Variants in TANC1 observed in about 807,000 individuals in gnomAD.
TANC1 encodes protein TANC1.
TANC1 carries 77 observed loss-of-function variants against 149.7 expected under a neutral mutation model. The observed-to-expected ratio is 0.51, with a 90% CI of 0.43 to 0.62. The LOEUF (loss-of-function observed/expected upper bound fraction) is 0.62, where lower values mean the gene tolerates loss of function less well. Among genes scored for constraint, TANC1 ranks in the 20% least tolerant of loss-of-function variants. The pLI, the probability that TANC1 is intolerant of heterozygous loss-of-function variation, is 0.00. For missense variants in TANC1, 1,985 were observed against 2,321.8 expected (o/e 0.85, Z 2.98); for synonymous variants, 854 against 925.0 (o/e 0.92, Z 1.39).
chr2:159,141,567 G>C lies in TANC1; in HGVS notation c.364+5269G>C, dbSNP rs917122277. On this transcript the variant is annotated intron_variant, in intron 5 of 26. Coordinates refer to ENST00000263635, the MANE Select transcript of TANC1 (RefSeq NM_033394.3). Reference sequence around the variant, plus strand: ...GAGCAGGGACTGTGTTTTGGTTTGAGTTCAGTTTCAGGCATGGAGACTTCA... The same window carrying C: ...GAGCAGGGACTGTGTTTTGGTTTGACTTCAGTTTCAGGCATGGAGACTTCA... Among the ~76,000 whole-genome samples, 14 of 152,278 alleles carry C rather than the reference G, an allele frequency of 9.2e-5. 1 individual carries two copies. The highest frequency in any genetic ancestry group is 7.8e-4 in the Admixed American group (12 of 15,306).
At chr2:158,973,838 A>G (rs1055087080) in intron 1 of TANC1, among the ~76,000 whole-genome samples, 1 of 152,194 alleles carries the variant, frequency 6.6e-6, no homozygotes, top group Non-Finnish European at 1.5e-5. Flanking sequence ...ACTTGTCCAC[A>G]TTCTGTGGGA....
At chr2:159,133,674 T>G (rs2150181349) in intron 4 of TANC1, among the ~76,000 whole-genome samples, 1 of 152,346 alleles carries the variant, frequency 6.6e-6, no homozygotes, top group African/African-American at 2.4e-5. Context: ...AGATAAAGTC[T>G]GGATACTGTT....
At chr2:159,155,582 C>G (rs1049834877) in intron 7 of TANC1, among the ~76,000 whole-genome samples, 4 of 152,226 alleles carry the variant, frequency 2.6e-5, no homozygotes, top group African/African-American at 9.6e-5. Context: ...CTGCCCAGCT[C>G]TCAGCACCTG....
chr2:159,179,301 T>C, intron 14 of TANC1, 138 bp downstream of exon 14: 1 of 1,242,614 alleles, frequency 8.0e-7, no homozygotes, highest in Non-Finnish European at 1.1e-6. Context: ...TGTTTTATTA[T>C]TTTTCTTCCT....
rs1230137835 is a variant in TANC1 at position 159,224,316 on chromosome 2, C to T, written c.3763C>T (p.Arg1255Trp). ...GCCCTTGGACAGAGCCATCGGCTGC[C>T]GGAACACATCTGTAGTGGTGGCGCT... is the stretch of plus-strand genomic sequence containing the variant. Reference protein sequence around the residue: ...MRPLDRAIGCRNTSVVVALLR... With the variant: ...MRPLDRAIGCWNTSVVVALLR... Residue 1255 changes from arginine (R) to tryptophan (W), a missense_variant, in exon 23 of 27, where the codon CGG becomes TGG. Physicochemically the swap from Arg to Trp is moderately radical, Grantham distance 101 (BLOSUM62 -3). Transcript: ENST00000263635. 6.8e-6 allele frequency: 11 copies of T among 1,613,964 alleles called. No homozygotes were observed. Among genetic ancestry groups the T allele is most frequent in the East Asian group, 2.2e-5 (1 of 44,890 alleles).
intron 3 of TANC1, among the ~76,000 whole-genome samples, chr2:159,080,319 GA>G (rs2044140180): frequency 6.6e-6 from 1 of 152,208 alleles, no homozygotes; most frequent in Non-Finnish European, 1.5e-5. Flanking sequence ...AGAGAGCAGA[GA>G]GTGTCAGGGA....
Position 159,070,534 on chromosome 2 carries a change from G to A in TANC1, c.61+4563G>A, listed in dbSNP as rs530094334. 1.3e-4 allele frequency among the ~76,000 whole-genome samples: 20 copies of A among 152,264 alleles called. 1 individual carries two copies. Among genetic ancestry groups the A allele is most frequent in the Middle Eastern group, 3.4e-3 (1 of 294 alleles). ...TGTTGTATCACAGAGTAGTTTCATG[G>A]CTCTAAAAATCCTGTGTGTTTTTTT... On this transcript the variant is annotated intron_variant, in intron 3 of 26. Coordinates refer to ENST00000263635, the MANE Select transcript of TANC1 (RefSeq NM_033394.3).
At chr2:159,073,060 A>G (rs1166544089) in intron 3 of TANC1, among the ~76,000 whole-genome samples, 1 of 152,236 alleles carries the variant, frequency 6.6e-6, no homozygotes, top group Non-Finnish European at 1.5e-5. Context: ...CTCTTTATGA[A>G]GTTAAACTGA....
intron 2 of TANC1, among the ~76,000 whole-genome samples, chr2:159,056,447 G>C (rs2041863169): frequency 6.6e-6 from 1 of 152,132 alleles, no homozygotes; most frequent in African/African-American, 2.4e-5. Flanking sequence ...GAGTAGCTGA[G>C]ACTACAGGCG....
At chr2:159,215,579 G>T (rs1350691017) in intron 19 of TANC1, among the ~76,000 whole-genome samples, 1 of 152,210 alleles carries the variant, frequency 6.6e-6, no homozygotes, top group African/African-American at 2.4e-5. Flanking sequence ...CAAGGGGTGT[G>T]TGCAGACACC....
chr2:159,023,987 T>C (rs2039048754), intron 2 of TANC1, among the ~76,000 whole-genome samples: 1 of 151,592 alleles, frequency 6.6e-6, no homozygotes, highest in East Asian at 1.9e-4. Flanking sequence ...AAAAAAATTG[T>C]CAAAAATATA....
chr2:159,222,132 CA>C (rs1197319717), intron 22 of TANC1, among the ~76,000 whole-genome samples: 1 of 152,184 alleles, frequency 6.6e-6, no homozygotes, highest in Non-Finnish European at 1.5e-5. Flanking sequence ...AAAACATACT[CA>C]ACTAAATCTC....
intron 5 of TANC1, 49 bp downstream of exon 5, chr2:159,136,347 A>G (rs2050747446): frequency 3.9e-6 from 4 of 1,026,692 alleles, no homozygotes; most frequent in Middle Eastern, 2.0e-4. Context: ...ATTTTATACA[A>G]TGACACTTCA....
intron 2 of TANC1, among the ~76,000 whole-genome samples, chr2:159,028,700 C>T (rs2039546311): frequency 6.6e-6 from 1 of 152,180 alleles, no homozygotes; most frequent in South Asian, 2.1e-4. Context: ...CCATTTTCCT[C>T]TCTCCCCAAG....
chr2:159,207,950 C>T (rs1299552000), intron 19 of TANC1, among the ~76,000 whole-genome samples: 1 of 151,872 alleles, frequency 6.6e-6, no homozygotes, highest in Non-Finnish European at 1.5e-5. Context: ...TAGCATCTTC[C>T]TGTTTTAATC....
intron 2 of TANC1, among the ~76,000 whole-genome samples, chr2:159,060,864 T>C (rs1275054366): frequency 1.3e-5 from 2 of 152,182 alleles, no homozygotes; most frequent in Non-Finnish European, 2.9e-5. Flanking sequence ...TTTTGTCTTG[T>C]TTTGGAATCA....
intron 5 of TANC1, among the ~76,000 whole-genome samples, chr2:159,136,544 T>C (rs921720930): frequency 6.6e-6 from 1 of 152,224 alleles, no homozygotes; most frequent in East Asian, 1.9e-4. Flanking sequence ...CTATTTCCTC[T>C]GAATTTTGAC....
At chr2:159,065,836 C>T in intron 2 of TANC1, 60 bp from the exon 3 acceptor site, 1 of 1,398,046 alleles carries the variant, frequency 7.2e-7, no homozygotes. Context: ...TGTCAAGACA[C>T]AAGTTATATT....
chr2:159,203,917 GTCCACAC>G lies in TANC1; in HGVS notation c.3244+4865_3244+4871del, dbSNP rs530978504. 6.9e-3 allele frequency among the ~76,000 whole-genome samples: 1,050 copies of G among 152,222 alleles called. 7 individuals carry two copies. The highest frequency in any genetic ancestry group is 0.011 in the Non-Finnish European group (777 of 68,018). The stretch of plus-strand genomic sequence containing the variant: ...GAAGGCAGAAATTTCCCTGTCTCTT[GTCCACAC>G]CATTGTGTATGGCAACCGTCCGTTC... On this transcript the variant is annotated intron_variant, in intron 19 of 26. Coordinates refer to ENST00000263635, the MANE Select transcript of TANC1 (RefSeq NM_033394.3).
Sources: gnomAD v4.1 joint callset for allele counts (sites outside exome capture counted in the v4.1 genomes callset) on GRCh38, gnomAD v4.1.1 for gene constraint, MANE v1.5 for transcripts, NCBI Gene and HGNC (gene_info 2026-07-23, HGNC 2026-07-21) for gene names.